TMEM272: variants seen among roughly 807,000 people sequenced by gnomAD.
TMEM272 encodes the protein transmembrane protein 272, also known as long intergenic non-protein coding RNA 282.
Under a neutral mutation model 3.7 loss-of-function variants are expected in TMEM272, and 8 were observed. The ratio of observed to expected loss-of-function variants is 2.17; its 90% CI spans 1.27 to 3.91. TMEM272 has a LOEUF of 3.91. Ranked by LOEUF, TMEM272 falls within the 30% of genes most tolerant of loss-of-function variation. The pLI is 0.00. For synonymous variants in TMEM272, 63 were observed against 39.8 expected, an observed-to-expected ratio of 1.58 and a Z score of -2.20; for missense variants, 166 against 91.5, an observed-to-expected ratio of 1.81 and a Z score of -3.32.
chr13:51,829,760 C>T (rs1471349004), intron 2 of TMEM272, among the ~76,000 whole-genome samples: 1 of 152,156 alleles, frequency 6.6e-6, no homozygotes, highest in Admixed American at 6.5e-5. Context: ...CAAGGAGGCA[C>T]CTGCCACCCA....
chr13:51,908,986 G>A, the TMEM272 span: 3 of 1,432,362 alleles, frequency 2.1e-6, no homozygotes, highest in Admixed American at 1.7e-5. Flanking sequence ...GGAAGCAAAG[G>A]TGAGAGTCTC....
chr13:51,883,822 C>T, the TMEM272 span, among the ~76,000 whole-genome samples: 6 of 152,344 alleles, frequency 3.9e-5, no homozygotes, highest in East Asian at 1.2e-3. Context: ...CTACACCTGG[C>T]TTGTGTTTGC....
At chr13:51,897,926 C>CATAA in the TMEM272 span, among the ~76,000 whole-genome samples, 1 of 98,448 alleles carries the variant, frequency 1.0e-5, no homozygotes, top group Non-Finnish European at 1.9e-5. Flanking sequence ...GACTCCATCT[C>CATAA]AAAAAAAAAA....
chr13:51,918,803 C>CTTTTTTTTTTTT, the TMEM272 span, among the ~76,000 whole-genome samples: 1 of 81,044 alleles, frequency 1.2e-5, no homozygotes, highest in Admixed American at 1.6e-4. Flanking sequence ...TTTTGAAATT[C>CTTTTTTTTTTTT]TTTTTTTTTT....
chr13:51,897,362 A>ATTTT, the TMEM272 span, among the ~76,000 whole-genome samples: 841 of 82,324 alleles, frequency 0.01, 98 homozygotes, highest in Admixed American at 0.019. Context: ...TGTCTGGCTA[A>ATTTT]TTTTTTTTTT....
At chr13:51,910,971 C>A in the TMEM272 span, among the ~76,000 whole-genome samples, 1 of 152,178 alleles carries the variant, frequency 6.6e-6, no homozygotes, top group Non-Finnish European at 1.5e-5. Flanking sequence ...TGTGCATGAG[C>A]CCAGGTGAGG....
chr13:51,926,361 C>T, the TMEM272 span, among the ~76,000 whole-genome samples: 1 of 152,166 alleles, frequency 6.6e-6, no homozygotes. Context: ...CCACAGCCCC[C>T]GTTCTGGTGA....
the TMEM272 span, among the ~76,000 whole-genome samples, chr13:51,876,960 C>A: frequency 1.3e-5 from 2 of 152,166 alleles, no homozygotes; most frequent in African/African-American, 4.8e-5. Flanking sequence ...TCAGCAATAA[C>A]TCCAGAATTT....
chr13:51,909,081 G>T, the TMEM272 span: 12 of 1,475,630 alleles, frequency 8.1e-6, no homozygotes, highest in African/African-American at 1.3e-4. Context: ...ACCATATGAG[G>T]AATGCTCTCT....
At chr13:51,845,579 G>A (rs746623335), upstream of TMEM272, among the ~76,000 whole-genome samples, 1 of 152,198 alleles carries the variant, frequency 6.6e-6, no homozygotes, top group Non-Finnish European at 1.5e-5. Flanking sequence ...AATTGATTCC[G>A]AGTCATTGCA....
At chr13:51,921,234 C>A in the TMEM272 span, 15,791 of 152,246 alleles carry the variant, frequency 0.1, 1,072 homozygotes, top group African/African-American at 0.19. Context: ...TCCTTCAAGA[C>A]CTGGTGCAGA....
chr13:51,927,245 C>T, the TMEM272 span, among the ~76,000 whole-genome samples: 6 of 152,188 alleles, frequency 3.9e-5, no homozygotes, highest in Non-Finnish European at 8.8e-5. Context: ...GATCCCCTCA[C>T]TGCTCCCCAC....
At chr13:51,881,790 C>T in the TMEM272 span, among the ~76,000 whole-genome samples, 1 of 152,094 alleles carries the variant, frequency 6.6e-6, no homozygotes, top group East Asian at 1.9e-4. Flanking sequence ...CCAAATCTAC[C>T]AATGCTTTGA....
the TMEM272 span, among the ~76,000 whole-genome samples, chr13:51,880,408 T>A: frequency 6.6e-6 from 1 of 152,136 alleles, no homozygotes; most frequent in Non-Finnish European, 1.5e-5. Context: ...GCCTGTAGTA[T>A]TAAAGTATTT....
the TMEM272 span, among the ~76,000 whole-genome samples, chr13:51,922,415 C>T: frequency 1.2e-4 from 19 of 152,190 alleles, no homozygotes; most frequent in Admixed American, 2.6e-4. Context: ...ATACTTTTCA[C>T]GGTAATTTTT....
Position 51,814,415 on chromosome 13 carries a change from C to A in TMEM272, c.*2336G>T, listed in dbSNP as rs1205544555. The A allele has an allele frequency of 6.6e-6, 1 of 152,236 alleles. No individual in the cohort carries two copies. The highest frequency in any genetic ancestry group is 2.4e-5 in the African/African-American group (1 of 41,456). 9.4% of individuals were successfully genotyped at this position (152,236 alleles called of 1,614,324 possible). Reference sequence around the variant, plus strand: ...AGTGTCCCCTCTATGAATGGATGCACATGAACATTTTCTTTAGGATCTAAC... The same window carrying A: ...AGTGTCCCCTCTATGAATGGATGCAAATGAACATTTTCTTTAGGATCTAAC... On this transcript the variant is annotated 3_prime_UTR_variant, in exon 5 of 5. Coordinates refer to ENST00000629372, the MANE Select transcript of TMEM272 (RefSeq NM_001351003.2).
chr13:51,838,401 C>G, intron 2 of TMEM272, 72 bp downstream of exon 2: 1 of 702,922 alleles, frequency 1.4e-6, no homozygotes, highest in Non-Finnish European at 2.6e-6. Flanking sequence ...TCCACTCCAG[C>G]TTTAGCTCAT....
chr13:51,928,947 C>T, the TMEM272 span, among the ~76,000 whole-genome samples: 2 of 152,150 alleles, frequency 1.3e-5, no homozygotes, highest in African/African-American at 4.8e-5. Flanking sequence ...ACCTGGAATC[C>T]CAGCACTTTG....
chr13:51,903,516 G>A, the TMEM272 span, among the ~76,000 whole-genome samples: 1 of 152,132 alleles, frequency 6.6e-6, no homozygotes, highest in Admixed American at 6.5e-5. Context: ...TCTCTCCACT[G>A]TACAAGGAAA....
Sources: gnomAD v4.1 joint callset for allele counts (sites outside exome capture counted in the v4.1 genomes callset) on GRCh38, gnomAD v4.1.1 for gene constraint, MANE v1.5 for transcripts, NCBI Gene and HGNC (gene_info 2026-07-23, HGNC 2026-07-21) for gene names.